The following FYB1 variants were observed in gnomAD, a reference collection of about 807,000 sequenced individuals.
FYB1 encodes the protein FYN-binding protein 1.
In FYB1, 41 loss-of-function variants were observed where a neutral mutation model predicts 94.1. That is an observed-to-expected ratio of 0.44 (90% CI 0.34 to 0.57). The LOEUF (loss-of-function observed/expected upper bound fraction) is 0.57, where lower values mean the gene tolerates loss of function less well. FYB1 is among the 20% of genes least tolerant of loss of function. The pLI is 0.02. For missense variants in FYB1, 1,050 were observed against 976.8 expected (o/e 1.07, Z -1.00); for synonymous variants, 367 against 353.2 (o/e 1.04, Z -0.44).
intron 2 of FYB1, among the ~76,000 whole-genome samples, chr5:39,162,747 T>C (rs992833023): frequency 6.6e-6 from 1 of 151,258 alleles, no homozygotes; most frequent in African/African-American, 2.4e-5. Flanking sequence ...AGTGGGAGAA[T>C]ACCTGTTTTA....
At chr5:39,153,740 G>C in intron 2 of FYB1, 136 bp from the exon 3 acceptor site, 2 of 730,582 alleles carry the variant, frequency 2.7e-6, no homozygotes, top group Non-Finnish European at 4.5e-6. Flanking sequence ...TTTCAATAAA[G>C]AGTATGTTTA....
intron 10 of FYB1, 71 bp from the exon 11 acceptor site, chr5:39,127,878 A>T: frequency 7.1e-7 from 1 of 1,412,442 alleles, no homozygotes. Context: ...CTCAGATTTT[A>T]ATTGTAAATC....
chr5:39,149,864 A>C (rs543379321), intron 3 of FYB1, among the ~76,000 whole-genome samples: 3 of 152,242 alleles, frequency 2.0e-5, no homozygotes, highest in East Asian at 3.9e-4. Context: ...CCCAGAGCTC[A>C]GTTCCTTTCT....
intron 1 of FYB1, among the ~76,000 whole-genome samples, chr5:39,269,110 C>A (rs528492213): frequency 6.6e-6 from 1 of 151,752 alleles, no homozygotes; most frequent in African/African-American, 2.4e-5. Context: ...AGCGCAGTGG[C>A]GTGATCTCGG....
At chr5:39,193,892 A>G (rs1747586702) in intron 2 of FYB1, among the ~76,000 whole-genome samples, 1 of 152,186 alleles carries the variant, frequency 6.6e-6, no homozygotes, top group Non-Finnish European at 1.5e-5. Context: ...CACACTCAGA[A>G]CTCAAATCGC....
chr5:39,195,075 G>C lies in FYB1; in HGVS notation c.1135+6751C>G, dbSNP rs1267224634. ...ACTCCAAATTCCAGTCTGTGTATGA[G>C]AGAGCTTTGCCTCCAGTGATTCAGT... is the stretch of plus-strand genomic sequence containing the variant. On this transcript the variant is annotated intron_variant, in intron 2 of 18. Transcript: ENST00000512982. 3.9e-5 allele frequency among the ~76,000 whole-genome samples: 6 copies of C among 152,296 alleles called. No individual in the cohort carries two copies. The East Asian group carries it at 1.2e-3, about 29-fold the overall frequency.
At chr5:39,183,109 G>A (rs757269269) in intron 2 of FYB1, among the ~76,000 whole-genome samples, 32 of 151,892 alleles carry the variant, frequency 2.1e-4, no homozygotes, top group Admixed American at 5.2e-4. Context: ...CGTAACCTCC[G>A]CCTCCTGGGT....
At chr5:39,200,530 A>C (rs1748217095) in intron 2 of FYB1, among the ~76,000 whole-genome samples, 1 of 152,230 alleles carries the variant, frequency 6.6e-6, no homozygotes, top group South Asian at 2.1e-4. Context: ...GTCTCACAAA[A>C]ATAATAGTTC....
At chr5:39,242,503 T>G (rs1280274343) in intron 1 of FYB1, among the ~76,000 whole-genome samples, 1 of 152,176 alleles carries the variant, frequency 6.6e-6, no homozygotes, top group African/African-American at 2.4e-5. Flanking sequence ...TATTCCATGG[T>G]GTATATGTGC....
intron 2 of FYB1, among the ~76,000 whole-genome samples, chr5:39,177,744 G>A (rs889955840): frequency 3.9e-5 from 6 of 152,118 alleles, no homozygotes; most frequent in African/African-American, 1.4e-4. Context: ...TTCACGTCCT[G>A]GAGATTGCAT....
chr5:39,151,795 C>A (rs185196195), intron 3 of FYB1, among the ~76,000 whole-genome samples: 4 of 152,270 alleles, frequency 2.6e-5, no homozygotes, highest in Admixed American at 2.6e-4. Context: ...TGCAGGTTGG[C>A]AGAGGGAATG....
chr5:39,180,980 GTCAC>G (rs2150423139), intron 2 of FYB1, among the ~76,000 whole-genome samples: 1 of 152,290 alleles, frequency 6.6e-6, no homozygotes, highest in Non-Finnish European at 1.5e-5. Flanking sequence ...CACTCAGCCA[GTCAC>G]TCACTCATTC....
At chr5:39,239,557 A>C (rs1751114854) in intron 1 of FYB1, among the ~76,000 whole-genome samples, 2 of 152,194 alleles carry the variant, frequency 1.3e-5, no homozygotes, top group Admixed American at 1.3e-4. Flanking sequence ...AATCCTATTC[A>C]CAATAGCCAC....
At chr5:39,167,299 T>C (rs1162587071) in intron 2 of FYB1, among the ~76,000 whole-genome samples, 1 of 152,100 alleles carries the variant, frequency 6.6e-6, no homozygotes, top group Non-Finnish European at 1.5e-5. Flanking sequence ...CTTGTTTTTG[T>C]TTTTGTTTTA....
In FYB1 at chr5:39,235,603, AC is replaced by A. The variant is rs562422908; in HGVS notation, c.-27-32617del. On this transcript the variant is annotated intron_variant, in intron 1 of 1. Transcript: ENST00000510188. ...TTTTTTTTTGGTATTGTGATGCTAGACACCTGAGTAGATATATAGGAGCTGC... is the reference window on the plus strand; with the variant it reads ...TTTTTTTTTGGTATTGTGATGCTAGAACCTGAGTAGATATATAGGAGCTGC... 2.7e-3 allele frequency among the ~76,000 whole-genome samples: 413 copies of A among 151,492 alleles called. 2 individuals are homozygous for A. Among genetic ancestry groups the A allele is most frequent in the Middle Eastern group, 6.8e-3 (2 of 292 alleles).
intron 15 of FYB1, among the ~76,000 whole-genome samples, chr5:39,119,326 T>C (rs1052205884): frequency 1.3e-5 from 2 of 152,108 alleles, no homozygotes; most frequent in African/African-American, 2.4e-5. Flanking sequence ...CTTAATCTTT[T>C]ATAAAAATAA....
intron 2 of FYB1, among the ~76,000 whole-genome samples, chr5:39,159,887 TTTC>T (rs35201182): frequency 0.037 from 5,564 of 152,276 alleles, 319 homozygotes; most frequent in African/African-American, 0.13. Context: ...TTCAATGCAC[TTTC>T]CATCTTAAAC....
chr5:39,124,342 A>C, intron 12 of FYB1, 64 bp from the exon 13 acceptor site: 1 of 1,179,864 alleles, frequency 8.5e-7, no homozygotes, highest in Non-Finnish European at 1.2e-6. Flanking sequence ...TGATTCCGTT[A>C]TATAGGAGAG....
At chr5:39,128,771 T>C (rs1740910553) in intron 10 of FYB1, among the ~76,000 whole-genome samples, 1 of 152,158 alleles carries the variant, frequency 6.6e-6, no homozygotes, top group Non-Finnish European at 1.5e-5. Context: ...TCATTATTTG[T>C]AAACTAAAGC....
Sources: gnomAD v4.1 joint callset for allele counts (sites outside exome capture counted in the v4.1 genomes callset) on GRCh38, gnomAD v4.1.1 for gene constraint, MANE v1.5 for transcripts, NCBI Gene and HGNC (gene_info 2026-07-23, HGNC 2026-07-21) for gene names.